PVT1: variants seen among roughly 807,000 people sequenced by gnomAD.
PVT1 encodes Pvt1 oncogene, also known as CXCR4/PVT1 fusion.
intron 3 of PVT1, among the ~76,000 whole-genome samples, chr8:127,929,777 AAAG>A (rs1816181277): frequency 6.6e-6 from 1 of 152,188 alleles, no homozygotes; most frequent in African/African-American, 2.4e-5. Flanking sequence ...CAAAAAAAAA[AAAG>A]AAGTGTCAAG....
chr8:127,967,313 G>C (rs1248948495), intron 3 of PVT1, among the ~76,000 whole-genome samples: 1 of 152,000 alleles, frequency 6.6e-6, no homozygotes, highest in Non-Finnish European at 1.5e-5. Flanking sequence ...TTAACTTCTG[G>C]GGGGCTTAGA....
At chr8:128,009,354 A>G (rs568906906) in intron 4 of PVT1, among the ~76,000 whole-genome samples, 4 of 152,330 alleles carry the variant, frequency 2.6e-5, no homozygotes, top group Non-Finnish European at 4.4e-5. Flanking sequence ...GTCCTATTCT[A>G]TATGTCCTGC....
At chr8:128,039,168 C>T (rs1460655795) in intron 4 of PVT1, among the ~76,000 whole-genome samples, 3 of 152,152 alleles carry the variant, frequency 2.0e-5, no homozygotes, top group African/African-American at 4.8e-5. Context: ...TGACTGTTGC[C>T]GTGGGAAATA....
Position 127,816,961 on chromosome 8 carries a change from AG to A in PVT1, n.372+20891del, listed in dbSNP as rs572437260. 1.3e-4 allele frequency among the ~76,000 whole-genome samples: 20 copies of A among 152,294 alleles called. No homozygotes were observed. In the South Asian group the frequency reaches 3.7e-3, roughly 28 times the overall value. Reference sequence around the variant, plus strand: ...CTGTTCCATTGTGTGAACTGACCACAGTTGATTGATCTGTTCTCCAAGGACA... The same window carrying A: ...CTGTTCCATTGTGTGAACTGACCACATTGATTGATCTGTTCTCCAAGGACA... On this transcript the variant is annotated intron_variant and non_coding_transcript_variant, in intron 2 of 10. Coordinates refer to ENST00000651587, the Ensembl canonical transcript of PVT1.
At chr8:128,032,819 C>T (rs1290531812) in intron 4 of PVT1, among the ~76,000 whole-genome samples, 1 of 152,180 alleles carries the variant, frequency 6.6e-6, no homozygotes, top group Non-Finnish European at 1.5e-5. Context: ...GAATGTCGTT[C>T]TTATGGTGAA....
intron 3 of PVT1, among the ~76,000 whole-genome samples, chr8:127,970,285 A>ATTTT (rs1321419703): frequency 1.3e-3 from 36 of 26,818 alleles, no homozygotes; most frequent in Non-Finnish European, 2.1e-3. Flanking sequence ...ATCTGCCATG[A>ATTTT]TTTGTTTTTT....
At chr8:128,051,061 A>G (rs1045021999) in intron 4 of PVT1, among the ~76,000 whole-genome samples, 3 of 152,194 alleles carry the variant, frequency 2.0e-5, no homozygotes, top group South Asian at 2.1e-4. Context: ...GGAACCATTT[A>G]TGGGACGATT....
intron 2 of PVT1, among the ~76,000 whole-genome samples, chr8:127,870,207 A>G (rs1029948640): frequency 1.3e-5 from 2 of 152,232 alleles, no homozygotes; most frequent in Non-Finnish European, 2.9e-5. Flanking sequence ...AGAGAGGGAC[A>G]TAGGAAAGAA....
At chr8:127,945,052 G>A (rs1482792799) in intron 3 of PVT1, among the ~76,000 whole-genome samples, 2 of 152,144 alleles carry the variant, frequency 1.3e-5, no homozygotes, top group Non-Finnish European at 2.9e-5. Flanking sequence ...ACATAAAAAT[G>A]AACCTGAAGT....
intron 3 of PVT1, among the ~76,000 whole-genome samples, chr8:127,891,926 A>G (rs1815607092): frequency 6.6e-6 from 1 of 152,196 alleles, no homozygotes; most frequent in Non-Finnish European, 1.5e-5. Flanking sequence ...TGCAGCTGAC[A>G]AGTGGAAGGA....
chr8:127,874,930 GTGT>G (rs1402111650), intron 2 of PVT1, among the ~76,000 whole-genome samples: 14 of 150,512 alleles, frequency 9.3e-5, no homozygotes, highest in African/African-American at 3.3e-4. Flanking sequence ...GTGTGTGTGT[GTGT>G]GTGGGTGTGT....
intron 3 of PVT1, among the ~76,000 whole-genome samples, chr8:127,951,349 G>A (rs908100649): frequency 3.3e-5 from 5 of 152,210 alleles, no homozygotes; most frequent in African/African-American, 7.2e-5. Flanking sequence ...GTCCACAGCC[G>A]TGTTGTTGTC....
intron 4 of PVT1, among the ~76,000 whole-genome samples, chr8:128,069,201 T>A (rs1165012117): frequency 6.6e-6 from 1 of 152,202 alleles, no homozygotes; most frequent in African/African-American, 2.4e-5. Flanking sequence ...AGGCTAGCTG[T>A]TCATTGGAAA....
chr8:127,848,719 C>G (rs570901392), intron 2 of PVT1, among the ~76,000 whole-genome samples: 1 of 152,226 alleles, frequency 6.6e-6, no homozygotes, highest in African/African-American at 2.4e-5. Flanking sequence ...AAAAGGCCAA[C>G]AAATTTGACC....
intron 5 of PVT1, among the ~76,000 whole-genome samples, chr8:128,086,534 A>C (rs1389602039): frequency 2.0e-5 from 3 of 152,258 alleles, no homozygotes; most frequent in African/African-American, 7.2e-5. Context: ...ACAGCACTGT[A>C]CTAACAAGAA....
intron 3 of PVT1, chr8:127,939,472 G>T (rs1305786790): frequency 6.6e-6 from 1 of 152,296 alleles, no homozygotes; most frequent in Admixed American, 6.5e-5. Context: ...GCTTTTGACT[G>T]CAGGGCACTG....
intron 5 of PVT1, among the ~76,000 whole-genome samples, chr8:128,086,816 T>C (rs1026286583): frequency 6.6e-6 from 1 of 152,238 alleles, no homozygotes; most frequent in African/African-American, 2.4e-5. Context: ...TCCAGCATAT[T>C]GTCCCTTGGG....
At chr8:127,908,496 C>T (rs1395850558) in intron 3 of PVT1, among the ~76,000 whole-genome samples, 2 of 151,998 alleles carry the variant, frequency 1.3e-5, no homozygotes, top group Non-Finnish European at 2.9e-5. Flanking sequence ...GTTGTGCCAC[C>T]ACGCCCGGCT....
intron 2 of PVT1, among the ~76,000 whole-genome samples, chr8:127,876,451 T>C (rs190138540): frequency 7.2e-5 from 11 of 152,170 alleles, no homozygotes; most frequent in Non-Finnish European, 1.3e-4. Context: ...ATTTTATTAG[T>C]ATTATTATAT....
Sources: gnomAD v4.1 joint callset for allele counts (sites outside exome capture counted in the v4.1 genomes callset) on GRCh38, gnomAD v4.1.1 for gene constraint, MANE v1.5 for transcripts, NCBI Gene and HGNC (gene_info 2026-07-23, HGNC 2026-07-21) for gene names.